LRRC4C: variants seen among roughly 807,000 people sequenced by gnomAD.
LRRC4C encodes the protein leucine-rich repeat-containing protein 4C.
In LRRC4C, 5 loss-of-function variants were observed where a neutral mutation model predicts 33.6. The observed-to-expected ratio is 0.15, with a 90% CI of 0.08 to 0.31. The LOEUF is 0.31. LRRC4C is among the 10% of genes least tolerant of loss of function. The pLI, the probability that LRRC4C is intolerant of heterozygous loss-of-function variation, is 1.00. For missense variants in LRRC4C, 560 were observed against 796.7 expected (o/e 0.70, Z 3.58); for synonymous variants, 329 against 302.0 (o/e 1.09, Z -0.93).
At chr11:40,358,141 C>A (rs566700140) in intron 3 of LRRC4C, among the ~76,000 whole-genome samples, 47 of 151,964 alleles carry the variant, frequency 3.1e-4, no homozygotes, top group Admixed American at 2.5e-3. Flanking sequence ...TGAGATTGTG[C>A]CACTGCACTC....
At chr11:40,284,044 T>C (rs182601648) in intron 4 of LRRC4C, among the ~76,000 whole-genome samples, 1 of 152,186 alleles carries the variant, frequency 6.6e-6, no homozygotes, top group Admixed American at 6.5e-5. Context: ...TTTACTGGGT[T>C]TTTGCCAAAT....
At chr11:40,540,289 A>G (rs1455512125) in intron 3 of LRRC4C, among the ~76,000 whole-genome samples, 1 of 152,180 alleles carries the variant, frequency 6.6e-6, no homozygotes, top group African/African-American at 2.4e-5. Flanking sequence ...TTTCAAAAGA[A>G]CAATCAGAAG....
intron 5 of LRRC4C, among the ~76,000 whole-genome samples, chr11:40,155,097 C>T (rs535756344): frequency 5.3e-5 from 8 of 152,262 alleles, no homozygotes; most frequent in Admixed American, 1.3e-4. Flanking sequence ...AAATAACCTG[C>T]TCCTGAATGG....
chr11:40,774,560 A>T (rs1292900515), intron 2 of LRRC4C, among the ~76,000 whole-genome samples: 1 of 152,142 alleles, frequency 6.6e-6, no homozygotes, highest in African/African-American at 2.4e-5. Context: ...ACTAGAATAG[A>T]TTTGACTAAA....
intron 1 of LRRC4C, among the ~76,000 whole-genome samples, chr11:41,222,548 G>A (rs987307808): frequency 6.6e-5 from 10 of 152,090 alleles, no homozygotes; most frequent in Non-Finnish European, 1.3e-4. Context: ...ATCTCACCAA[G>A]GGATGGGTTA....
At chr11:41,112,379 A>G (rs886254279) in intron 1 of LRRC4C, among the ~76,000 whole-genome samples, 2 of 152,100 alleles carry the variant, frequency 1.3e-5, no homozygotes, top group Non-Finnish European at 2.9e-5. Flanking sequence ...TCAATGAACT[A>G]GGAGACTGTG....
chr11:40,650,022 T>G (rs1232326003), intron 2 of LRRC4C, among the ~76,000 whole-genome samples: 5 of 152,348 alleles, frequency 3.3e-5, no homozygotes, highest in African/African-American at 1.2e-4. Context: ...TTTAAATAAT[T>G]AATGTCAAAA....
chr11:40,413,013 T>C (rs186609644), intron 3 of LRRC4C, among the ~76,000 whole-genome samples: 2 of 152,238 alleles, frequency 1.3e-5, no homozygotes, highest in Non-Finnish European at 2.9e-5. Context: ...GCATGTACAT[T>C]TTCTTTTGAT....
At chr11:40,623,386 C>A (rs1157814569) in intron 3 of LRRC4C, among the ~76,000 whole-genome samples, 3 of 151,892 alleles carry the variant, frequency 2.0e-5, no homozygotes, top group Non-Finnish European at 1.5e-5. Flanking sequence ...TGTCTTGATG[C>A]CATTCTAGCA....
chr11:40,270,135 T>A (rs1247296055), intron 4 of LRRC4C, among the ~76,000 whole-genome samples: 2 of 152,148 alleles, frequency 1.3e-5, no homozygotes, highest in Non-Finnish European at 1.5e-5. Flanking sequence ...ATTTCTTATG[T>A]TAATGGTAGC....
intron 3 of LRRC4C, among the ~76,000 whole-genome samples, chr11:40,323,458 C>G (rs1030212930): frequency 3.7e-4 from 56 of 152,308 alleles, no homozygotes; most frequent in African/African-American, 1.3e-3. Context: ...GACTCACCTT[C>G]ATAGTTTCAT....
intron 1 of LRRC4C, among the ~76,000 whole-genome samples, chr11:41,151,060 T>C (rs1311683501): frequency 6.6e-6 from 1 of 151,580 alleles, no homozygotes; most frequent in Non-Finnish European, 1.5e-5. Context: ...CAAATACAAC[T>C]TCGCAGTTTT....
At chr11:40,933,510 C>G (rs1270757080) in intron 2 of LRRC4C, 125 bp downstream of exon 2, 1 of 152,190 alleles carries the variant, frequency 6.6e-6, no homozygotes, top group African/African-American at 2.4e-5. Context: ...GATGATGTTC[C>G]AGCTTATTTG....
intron 5 of LRRC4C, among the ~76,000 whole-genome samples, chr11:40,212,932 C>T (rs1353669770): frequency 2.6e-5 from 4 of 152,036 alleles, no homozygotes; most frequent in Non-Finnish European, 5.9e-5. Flanking sequence ...GTTGGAAATT[C>T]TGCTAAATAA....
chr11:40,741,355 C>T (rs1044995315), intron 2 of LRRC4C, among the ~76,000 whole-genome samples: 1 of 152,002 alleles, frequency 6.6e-6, no homozygotes, highest in African/African-American at 2.4e-5. Context: ...TATTACTATT[C>T]TAATCTCCAA....
chr11:40,945,572 G>A (rs1958360569), intron 1 of LRRC4C, among the ~76,000 whole-genome samples: 2 of 152,056 alleles, frequency 1.3e-5, no homozygotes, highest in Non-Finnish European at 2.9e-5. Flanking sequence ...CATGAAATTG[G>A]TATCAGTCAC....
intron 3 of LRRC4C, among the ~76,000 whole-genome samples, chr11:40,441,851 AG>A (rs1951408918): frequency 6.6e-6 from 1 of 152,172 alleles, no homozygotes. Flanking sequence ...AACACACAGC[AG>A]GTCATTATGC....
At chr11:41,206,842 C>G (rs1449360187) in intron 1 of LRRC4C, among the ~76,000 whole-genome samples, 1 of 152,056 alleles carries the variant, frequency 6.6e-6, no homozygotes, top group East Asian at 1.9e-4. Flanking sequence ...ATTGTCACCA[C>G]CATTTATCCT....
intron 5 of LRRC4C, among the ~76,000 whole-genome samples, chr11:40,220,689 C>T (rs1864339539): frequency 6.6e-6 from 1 of 151,874 alleles, no homozygotes; most frequent in Admixed American, 6.6e-5. Flanking sequence ...CTTTTGAAGA[C>T]CTGAGTTTTT....
Sources: gnomAD v4.1 joint callset for allele counts (sites outside exome capture counted in the v4.1 genomes callset) on GRCh38, gnomAD v4.1.1 for gene constraint, MANE v1.5 for transcripts, NCBI Gene and HGNC (gene_info 2026-07-23, HGNC 2026-07-21) for gene names.